Variants in FAM184B observed in about 807,000 individuals in gnomAD.
FAM184B encodes family with sequence similarity 184 member B, also known as protein FAM184B.
In FAM184B, 111 loss-of-function variants were observed where a neutral mutation model predicts 135.9. The ratio of observed to expected loss-of-function variants is 0.82; its 90% CI spans 0.70 to 0.96. The LOEUF is 0.96. FAM184B is among the 40% of genes least tolerant of loss of function. The pLI, the probability that FAM184B is intolerant of heterozygous loss-of-function variation, is 0.00. For missense variants in FAM184B, 1,375 were observed against 1,323.9 expected (o/e 1.04, Z -0.60); for synonymous variants, 552 against 524.8 (o/e 1.05, Z -0.71).
chr4:17,637,829 T>G (rs1432956258), intron 14 of FAM184B, among the ~76,000 whole-genome samples: 1 of 152,170 alleles, frequency 6.6e-6, no homozygotes, highest in Non-Finnish European at 1.5e-5. Context: ...TCCCCCTGTT[T>G]CTTCTCAGCA....
At chr4:17,706,058 A>T (rs552233842) in intron 3 of FAM184B, among the ~76,000 whole-genome samples, 167 bp from the exon 4 acceptor site, 1 of 152,360 alleles carries the variant, frequency 6.6e-6, no homozygotes, top group South Asian at 2.1e-4. Flanking sequence ...TCAAGGTAGC[A>T]ATTCTCATCT....
chr4:17,766,689 C>A (rs1029223010), intron 1 of FAM184B, among the ~76,000 whole-genome samples: 1 of 152,174 alleles, frequency 6.6e-6, no homozygotes, highest in Non-Finnish European at 1.5e-5. Context: ...ACAATCCCTT[C>A]GCTAGACATA....
intron 16 of FAM184B, 125 bp downstream of exon 16, chr4:17,634,884 G>GTTTT: frequency 1.2e-5 from 6 of 521,692 alleles, no homozygotes; most frequent in South Asian, 8.9e-5. Flanking sequence ...AAACAAGTGG[G>GTTTT]TTTTTTTTTT....
chr4:17,664,748 CAG>C, intron 7 of FAM184B, 89 bp from the exon 8 acceptor site: 1 of 1,118,220 alleles, frequency 8.9e-7, no homozygotes, highest in Non-Finnish European at 1.3e-6. Context: ...TTATTCAAAT[CAG>C]AGAGCAGAGA....
intron 1 of FAM184B, among the ~76,000 whole-genome samples, chr4:17,765,958 C>T (rs541339927): frequency 1.8e-4 from 27 of 152,228 alleles, no homozygotes; most frequent in African/African-American, 6.3e-4. Flanking sequence ...CTCCTTCCTT[C>T]TGTCCGGGGT....
chr4:17,637,521 C>T (rs1030866703), intron 14 of FAM184B, among the ~76,000 whole-genome samples: 3 of 152,158 alleles, frequency 2.0e-5, no homozygotes, highest in Non-Finnish European at 4.4e-5. Context: ...GTGTGGGCCC[C>T]AGTTCCCTCT....
intron 1 of FAM184B, among the ~76,000 whole-genome samples, chr4:17,770,309 G>A (rs771409032): frequency 1.7e-4 from 26 of 152,356 alleles, no homozygotes; most frequent in South Asian, 6.2e-4. Flanking sequence ...CAGTGCGGGC[G>A]TCATAGCAGG....
chr4:17,647,786 G>A lies in FAM184B; in HGVS notation c.2197C>T (p.Leu733Phe). ...TGCTGCTCCGACAGCTCCTGTCTGA[G>A]CGACTCTGGAAAAGGGAGAGCAGCA... is the stretch of plus-strand genomic sequence containing the variant. ...QAQQALLLES[L>F]RQELSEQQAA... Residue 733 changes from leucine to phenylalanine, a missense_variant, in exon 12 of 18, where the codon CTC (leucine) becomes TTC (phenylalanine). Leu to Phe is a conservative substitution (Grantham distance 22). Transcript: ENST00000265018. 2.6e-6 allele frequency: 4 copies of A among 1,550,082 alleles called. No homozygotes were observed. The highest frequency in any genetic ancestry group is 2.6e-6 in the Non-Finnish European group (3 of 1,146,720).
chr4:17,645,364 G>T (rs1715438120), intron 12 of FAM184B, among the ~76,000 whole-genome samples: 1 of 152,136 alleles, frequency 6.6e-6, no homozygotes, highest in African/African-American at 2.4e-5. Flanking sequence ...GCATGGTACT[G>T]GTACCAAAAC....
Position 17,658,376 on chromosome 4 carries a change from C to A in FAM184B, c.2011G>T (p.Glu671Ter). The A allele has an allele frequency of 6.4e-7, 1 of 1,551,658 alleles. No individual in the cohort carries two copies. The highest frequency in any genetic ancestry group is 8.7e-7 in the Non-Finnish European group (1 of 1,146,996). ...TTGAGTTCCTGATGTCTGGCCTTCT[C>A]CAGCATGCGCAGGGCTCTCTGGTGG... ...ASHQRALRML[E>*]KARHQELKAT... The change falls in exon 10 of 18, where the codon GAG becomes TAG. Residue 671 changes from glutamate to a stop codon, truncating the protein, a stop_gained. Transcript: ENST00000265018. LOFTEE classifies it high-confidence loss of function.
At chr4:17,638,341 A>C in intron 14 of FAM184B, among the ~76,000 whole-genome samples, 1 of 148,526 alleles carries the variant, frequency 6.7e-6, no homozygotes, top group African/African-American at 2.6e-5. Flanking sequence ...GGCACACACC[A>C]CCATGCCCAG....
intron 1 of FAM184B, among the ~76,000 whole-genome samples, chr4:17,765,989 T>C (rs975875539): frequency 2.0e-5 from 3 of 152,150 alleles, no homozygotes; most frequent in African/African-American, 4.8e-5. Flanking sequence ...CCCCGGCAGG[T>C]TCATGATCTA....
intron 1 of FAM184B, among the ~76,000 whole-genome samples, chr4:17,766,133 G>A (rs529041739): frequency 5.3e-4 from 81 of 152,358 alleles, no homozygotes; most frequent in African/African-American, 1.6e-3. Flanking sequence ...TAACCAGGTT[G>A]CCATTGCTGG....
At chr4:17,690,561 G>C (rs1434648723) in intron 6 of FAM184B, among the ~76,000 whole-genome samples, 1 of 152,202 alleles carries the variant, frequency 6.6e-6, no homozygotes, top group Non-Finnish European at 1.5e-5. Context: ...GCTCTTGCAA[G>C]ACTCTAGCAA....
At chr4:17,735,832 T>C (rs893156287) in intron 1 of FAM184B, among the ~76,000 whole-genome samples, 1 of 152,186 alleles carries the variant, frequency 6.6e-6, no homozygotes, top group African/African-American at 2.4e-5. Flanking sequence ...CTTTAGGACA[T>C]ACACCTACAC....
At chr4:17,654,853 TTTTC>T (rs1336806849) in intron 10 of FAM184B, among the ~76,000 whole-genome samples, 1 of 147,844 alleles carries the variant, frequency 6.8e-6, no homozygotes, top group Non-Finnish European at 1.5e-5. Context: ...CCAAATGTCT[TTTTC>T]TTTTTCTTTT....
intron 7 of FAM184B, among the ~76,000 whole-genome samples, chr4:17,671,260 T>C (rs1251187037): frequency 6.6e-6 from 1 of 152,044 alleles, no homozygotes; most frequent in African/African-American, 2.4e-5. Flanking sequence ...AAGGAGTTAA[T>C]TGGCATGTCT....
chr4:17,745,295 A>G (rs540298259), intron 1 of FAM184B, among the ~76,000 whole-genome samples: 2 of 152,304 alleles, frequency 1.3e-5, no homozygotes, highest in South Asian at 4.1e-4. Flanking sequence ...GACCTCCCTT[A>G]GAGAGAACCT....
chr4:17,708,695 A>C (rs1560182096), intron 2 of FAM184B, among the ~76,000 whole-genome samples, 197 bp downstream of exon 2: 3 of 51,884 alleles, frequency 5.8e-5, no homozygotes, highest in Admixed American at 2.5e-4. Context: ...ATATATATAT[A>C]TATATATATA....
Sources: gnomAD v4.1 joint callset for allele counts (sites outside exome capture counted in the v4.1 genomes callset) on GRCh38, gnomAD v4.1.1 for gene constraint, MANE v1.5 for transcripts, NCBI Gene and HGNC (gene_info 2026-07-23, HGNC 2026-07-21) for gene names.